NDST3: variants seen among roughly 807,000 people sequenced by gnomAD.
NDST3 encodes bifunctional heparan sulfate N-deacetylase/N-sulfotransferase 3.
In NDST3, 58 loss-of-function variants were observed where a neutral mutation model predicts 96.1. The ratio of observed to expected loss-of-function variants is 0.60; its 90% CI spans 0.49 to 0.75. The LOEUF (loss-of-function observed/expected upper bound fraction) is 0.75. Ranked by LOEUF, NDST3 falls within the 30% of genes least tolerant of loss-of-function variation. The pLI is 0.00. For synonymous variants in NDST3, 333 were observed against 359.7 expected (o/e 0.93, Z 0.84); for missense variants, 788 against 1,034.2 (o/e 0.76, Z 3.27).
intron 2 of NDST3, among the ~76,000 whole-genome samples, chr4:118,055,805 G>A (rs1725390861): frequency 6.6e-6 from 1 of 151,760 alleles, no homozygotes; most frequent in African/African-American, 2.4e-5. Flanking sequence ...AAATCAGAGA[G>A]CAAAAAATAC....
chr4:118,075,171 G>A (rs908397223), intron 2 of NDST3, among the ~76,000 whole-genome samples: 5 of 151,918 alleles, frequency 3.3e-5, no homozygotes, highest in South Asian at 2.1e-4. Flanking sequence ...CTGTCCTTGC[G>A]ATGGTTTGCT....
chr4:118,064,627 G>C (rs78730848), intron 2 of NDST3, among the ~76,000 whole-genome samples: 2,443 of 152,102 alleles, frequency 0.016, 24 homozygotes, highest in Middle Eastern at 0.075. Context: ...AATATTAATA[G>C]TTATAATGAT....
chr4:118,053,894 G>T lies in NDST3; in HGVS notation c.-17G>T. On this transcript the variant is annotated 5_prime_UTR_variant, in exon 2 of 14. Coordinates refer to ENST00000296499, the MANE Select transcript of NDST3 (RefSeq NM_004784.3). ...TATGGTGCTTCTGTTGGCATAGTTGGGGAAAGCACCTACAACATGAGTTTT... is the reference window on the plus strand; with the variant it reads ...TATGGTGCTTCTGTTGGCATAGTTGTGGAAAGCACCTACAACATGAGTTTT... The T allele has an allele frequency of 1.3e-6, 2 of 1,562,850 alleles. No homozygotes were observed. The highest frequency in any genetic ancestry group is 8.7e-7 in the Non-Finnish European group (1 of 1,155,644).
At chr4:118,142,013 T>C (rs1408773145) in intron 5 of NDST3, among the ~76,000 whole-genome samples, 1 of 152,130 alleles carries the variant, frequency 6.6e-6, no homozygotes, top group Non-Finnish European at 1.5e-5. Flanking sequence ...AAGTATTTAT[T>C]CCAAATGCTT....
chr4:118,199,846 G>C (rs1737949099), intron 6 of NDST3, among the ~76,000 whole-genome samples: 1 of 152,098 alleles, frequency 6.6e-6, no homozygotes, highest in Non-Finnish European at 1.5e-5. Flanking sequence ...ACAAGATCCA[G>C]AAGAATTATC....
chr4:118,120,727 T>C (rs1267011892), intron 4 of NDST3, among the ~76,000 whole-genome samples: 1 of 152,206 alleles, frequency 6.6e-6, no homozygotes, highest in Admixed American at 6.5e-5. Flanking sequence ...CCCGGTTATG[T>C]ATCTTGAAGC....
intron 6 of NDST3, among the ~76,000 whole-genome samples, chr4:118,192,073 T>C (rs866605206): frequency 1.1e-4 from 16 of 152,232 alleles, no homozygotes; most frequent in Non-Finnish European, 2.4e-4. Context: ...TATTTGCTGT[T>C]TCTATACCTT....
At chr4:118,048,875 C>A (rs940402304) in intron 1 of NDST3, among the ~76,000 whole-genome samples, 1 of 152,114 alleles carries the variant, frequency 6.6e-6, no homozygotes, top group African/African-American at 2.4e-5. Context: ...CCAACTAGAT[C>A]TAATAGATAT....
intron 6 of NDST3, among the ~76,000 whole-genome samples, chr4:118,207,317 TAAAG>T (rs1418623158): frequency 6.9e-6 from 1 of 144,368 alleles, no homozygotes; most frequent in Non-Finnish European, 1.5e-5. Flanking sequence ...GGAAAATTTA[TAAAG>T]AAAGAATATG....
At chr4:118,173,162 A>G (rs1299035784) in intron 6 of NDST3, among the ~76,000 whole-genome samples, 4 of 151,868 alleles carry the variant, frequency 2.6e-5, no homozygotes, top group Admixed American at 2.0e-4. Context: ...GTGTATATAT[A>G]TATATGATAA....
intron 2 of NDST3, among the ~76,000 whole-genome samples, chr4:118,074,090 G>T (rs538363482): frequency 7.9e-5 from 12 of 152,222 alleles, no homozygotes; most frequent in Admixed American, 6.6e-4. Flanking sequence ...GGTTTTGAAT[G>T]ATCTTCTTAG....
chr4:118,106,205 G>A (rs142334674), intron 3 of NDST3, among the ~76,000 whole-genome samples: 1 of 152,242 alleles, frequency 6.6e-6, no homozygotes, highest in African/African-American at 2.4e-5. Context: ...TTCTCCTGCT[G>A]TCTGGCTGTC....
intron 4 of NDST3, among the ~76,000 whole-genome samples, chr4:118,133,521 T>C (rs751582548): frequency 5.9e-5 from 9 of 152,328 alleles, no homozygotes; most frequent in Admixed American, 2.0e-4. Context: ...TTTATGAAGA[T>C]AAAACGAGGT....
chr4:118,171,040 A>G (rs764542450), intron 6 of NDST3, among the ~76,000 whole-genome samples: 2 of 152,126 alleles, frequency 1.3e-5, no homozygotes, highest in Non-Finnish European at 2.9e-5. Flanking sequence ...CAAAACCCCC[A>G]TGAGTGTGCT....
rs555819994 is a variant in NDST3 at position 118,211,328 on chromosome 4, T to A, written c.1540-13163T>A. ...AAGTAAGATTGCTTTAGTAATAATA[T>A]CCCATGAATCCTAATTATTTAACAT... On this transcript the variant is annotated intron_variant, in intron 6 of 13. Coordinates refer to ENST00000296499, the MANE Select transcript of NDST3 (RefSeq NM_004784.3). Among the ~76,000 whole-genome samples, 8 of 152,248 alleles carry A rather than the reference T, an allele frequency of 5.3e-5. No individual in the cohort carries two copies. The East Asian group carries it at 1.5e-3, about 29-fold the overall frequency.
chr4:118,140,571 A>G (rs757725786), intron 5 of NDST3, among the ~76,000 whole-genome samples: 3 of 152,182 alleles, frequency 2.0e-5, no homozygotes. Context: ...TCACATTGCT[A>G]TGAGTAAATA....
chr4:118,166,435 C>T (rs1248757892), intron 6 of NDST3, among the ~76,000 whole-genome samples: 1 of 151,832 alleles, frequency 6.6e-6, no homozygotes, highest in Non-Finnish European at 1.5e-5. Flanking sequence ...AAGAAACTTC[C>T]AGGAACAGAT....
Position 118,240,566 on chromosome 4 carries a change from T to C in NDST3, c.2161T>C (p.Phe721Leu). ...HEDPAALKFS[F>L]YEVISAGPRA... ...AGACCCTGCAGCTCTGAAGTTTAGC[T>C]TCTACGAAGTGATCTCAGCAGGGCC... Residue 721 changes from phenylalanine (F) to leucine (L), a missense_variant, in exon 11 of 14, where the codon TTC becomes CTC. By Grantham distance (22) the Phe-to-Leu change is conservative. Coordinates refer to ENST00000296499, the MANE Select transcript of NDST3 (RefSeq NM_004784.3). 6.2e-7 allele frequency: 1 copy of C among 1,613,438 alleles called. No homozygotes were observed. The highest frequency in any genetic ancestry group is 8.5e-7 in the Non-Finnish European group (1 of 1,179,666).
chr4:118,143,409 C>A, intron 5 of NDST3, 147 bp from the exon 6 acceptor site: 1 of 694,420 alleles, frequency 1.4e-6, no homozygotes, highest in Non-Finnish European at 2.3e-6. Flanking sequence ...CCTTCCCTTG[C>A]CTAGAGTATG....
Sources: allele counts gnomAD v4.1 joint callset (sites outside exome capture counted in the v4.1 genomes callset), GRCh38; gene constraint gnomAD v4.1.1; transcripts MANE v1.5; gene names NCBI Gene and HGNC (gene_info 2026-07-23, HGNC 2026-07-21).